Variants in ST3GAL6 observed in about 807,000 individuals in gnomAD.
The protein encoded by ST3GAL6 is ST3 beta-galactoside alpha-2,3-sialyltransferase 6.
Under a neutral mutation model 40.5 loss-of-function variants are expected in ST3GAL6, and 31 were observed. The observed-to-expected ratio is 0.77, with a 90% CI of 0.58 to 1.03. ST3GAL6 has a LOEUF of 1.03. ST3GAL6 is among the 50% of genes least tolerant of loss of function. The probability of loss-of-function intolerance (pLI) is 0.00; values close to 1 mark genes in which losing one functional copy is unlikely to be tolerated. For missense variants in ST3GAL6, 357 were observed against 393.2 expected (o/e 0.91, Z 0.78); for synonymous variants, 129 against 136.9 (o/e 0.94, Z 0.40).
chr3:98,782,326 G>T (rs575476295), intron 5 of ST3GAL6: 1 of 702,184 alleles, frequency 1.4e-6, no homozygotes, highest in South Asian at 1.5e-5. Flanking sequence ...ATTGATGTAT[G>T]CAAGATGTAA....
intron 1 of ST3GAL6, among the ~76,000 whole-genome samples, chr3:98,736,828 C>T (rs9879927): frequency 0.36 from 54,038 of 151,858 alleles, 10,561 homozygotes; most frequent in African/African-American, 0.49. Context: ...GAATTTGGGT[C>T]GTTTGAGAAA....
intron 1 of ST3GAL6, among the ~76,000 whole-genome samples, chr3:98,750,298 G>T (rs778449031): frequency 2.0e-5 from 3 of 152,140 alleles, no homozygotes; most frequent in East Asian, 1.9e-4. Flanking sequence ...ACTGGTTGGG[G>T]TATGACCTTG....
Position 98,783,053 on chromosome 3 carries a change from C to T in ST3GAL6, c.336-1892C>T, listed in dbSNP as rs547217580. The T allele has an allele frequency of 5.6e-4, 131 of 235,922 alleles. 1 individual carries two copies. Among genetic ancestry groups the T allele is most frequent in the Admixed American group, 4.0e-3 (71 of 17,570 alleles). 14.6% of individuals were successfully genotyped at this position (235,922 alleles called of 1,614,324 possible). A position where few individuals can be genotyped will look rare whatever the true frequency, so the allele number is the denominator to read the frequency against. On this transcript the variant is annotated intron_variant, in intron 5 of 9. Coordinates refer to ENST00000483910, the MANE Select transcript of ST3GAL6 (RefSeq NM_001323368.2). ...ACCATCATCCCCTCCCTGAATGTTACGTGTGCACTGATTGTGACACTCACC... is the reference window on the plus strand; with the variant it reads ...ACCATCATCCCCTCCCTGAATGTTATGTGTGCACTGATTGTGACACTCACC...
chr3:98,790,618 T>G (rs566445761), intron 8 of ST3GAL6, among the ~76,000 whole-genome samples: 6 of 152,162 alleles, frequency 3.9e-5, no homozygotes, highest in Non-Finnish European at 8.8e-5. Context: ...AAATTCAACA[T>G]TCAACCAGGT....
intron 5 of ST3GAL6, among the ~76,000 whole-genome samples, chr3:98,778,753 G>A (rs554420902): frequency 3.3e-5 from 5 of 152,176 alleles, no homozygotes; most frequent in African/African-American, 4.8e-5. Flanking sequence ...GGTGCTAAGC[G>A]GAGGAGCCAG....
chr3:98,765,032 T>C (rs1411434838), intron 1 of ST3GAL6, among the ~76,000 whole-genome samples: 1 of 152,244 alleles, frequency 6.6e-6, no homozygotes, highest in Non-Finnish European at 1.5e-5. Context: ...TGCATAAGAA[T>C]CAAATTGGTG....
chr3:98,754,343 G>A (rs868323448), intron 1 of ST3GAL6, among the ~76,000 whole-genome samples: 2 of 152,234 alleles, frequency 1.3e-5, no homozygotes, highest in South Asian at 4.1e-4. Flanking sequence ...GATGGGAATA[G>A]CAAGAGAACT....
At chr3:98,751,884 ATTTT>A (rs1937033216) in intron 1 of ST3GAL6, among the ~76,000 whole-genome samples, 1 of 152,192 alleles carries the variant, frequency 6.6e-6, no homozygotes. Context: ...GGTAAAATCT[ATTTT>A]TTATGTTACT....
intron 5 of ST3GAL6, among the ~76,000 whole-genome samples, chr3:98,778,825 G>C (rs1235102560): frequency 6.6e-6 from 1 of 152,196 alleles, no homozygotes; most frequent in Non-Finnish European, 1.5e-5. Flanking sequence ...CTGGCTGCAA[G>C]TAATAGTCTT....
chr3:98,744,648 G>T (rs1242385876), intron 1 of ST3GAL6, among the ~76,000 whole-genome samples: 2 of 152,020 alleles, frequency 1.3e-5, no homozygotes, highest in African/African-American at 4.8e-5. Flanking sequence ...CCTTGCCTGG[G>T]TCTCTGCTGA....
At chr3:98,747,057 C>T (rs1376251757) in intron 1 of ST3GAL6, among the ~76,000 whole-genome samples, 1 of 152,116 alleles carries the variant, frequency 6.6e-6, no homozygotes, top group Non-Finnish European at 1.5e-5. Flanking sequence ...CTTCACAGTC[C>T]CTTGATTCTA....
chr3:98,775,453 C>A (rs542431389), intron 5 of ST3GAL6, among the ~76,000 whole-genome samples: 1 of 143,102 alleles, frequency 7.0e-6, no homozygotes, highest in Admixed American at 7.3e-5. Context: ...CCAGCTTGGG[C>A]GACAGAGCAA....
intron 9 of ST3GAL6, among the ~76,000 whole-genome samples, chr3:98,792,538 A>C (rs1941294971): frequency 1.4e-5 from 2 of 141,012 alleles, no homozygotes; most frequent in African/African-American, 2.7e-5. Flanking sequence ...TGAGAGTCTC[A>C]CTCTGTCACC....
At chr3:98,741,218 T>A (rs1936059442) in intron 1 of ST3GAL6, among the ~76,000 whole-genome samples, 1 of 152,142 alleles carries the variant, frequency 6.6e-6, no homozygotes, top group African/African-American at 2.4e-5. Flanking sequence ...TCTTGAAATC[T>A]GAGATTTTTT....
chr3:98,788,252 ATT>A, intron 7 of ST3GAL6, 30 bp downstream of exon 7: 1 of 1,598,818 alleles, frequency 6.3e-7, no homozygotes, highest in Admixed American at 1.7e-5. Flanking sequence ...CTGCCTTCAG[ATT>A]ACCTTTAGTG....
chr3:98,756,451 C>G, intron 1 of ST3GAL6: 2 of 1,289,752 alleles, frequency 1.6e-6, no homozygotes, highest in South Asian at 2.5e-5. Context: ...CAGGCAGCGT[C>G]CTGAGTCTTT....
At chr3:98,774,502 AT>A (rs1559744388) in intron 5 of ST3GAL6, among the ~76,000 whole-genome samples, 1 of 152,226 alleles carries the variant, frequency 6.6e-6, no homozygotes, top group African/African-American at 2.4e-5. Context: ...TTTTTAGACA[AT>A]TTTGTCATTA....
At chr3:98,733,253 G>A (rs919888372) in intron 1 of ST3GAL6, 4 of 981,926 alleles carry the variant, frequency 4.1e-6, no homozygotes, top group Admixed American at 6.1e-5. Flanking sequence ...AGCCACCGCC[G>A]AGAGGGCACC....
intron 5 of ST3GAL6, chr3:98,782,680 T>A (rs1002865259): frequency 1.2e-4 from 53 of 443,444 alleles, no homozygotes; most frequent in African/African-American, 1.0e-3. Flanking sequence ...GATACCATAT[T>A]GCTGGTATTT....
Sources: allele counts gnomAD v4.1 joint callset (sites outside exome capture counted in the v4.1 genomes callset), GRCh38; gene constraint gnomAD v4.1.1; transcripts MANE v1.5; gene names NCBI Gene and HGNC (gene_info 2026-07-23, HGNC 2026-07-21).